The following RCC2 variants were observed in gnomAD, a reference collection of about 807,000 sequenced individuals.
RCC2 encodes protein RCC2.
A neutral mutation model predicts 64.1 loss-of-function variants in RCC2; 19 were observed. The observed-to-expected ratio is 0.30, with a 90% CI of 0.21 to 0.44. The LOEUF (loss-of-function observed/expected upper bound fraction) is 0.44, where lower values mean the gene tolerates loss of function less well. Ranked by LOEUF, RCC2 falls within the 20% of genes least tolerant of loss-of-function variation. The pLI is 1.00. For synonymous variants in RCC2, 325 were observed against 279.6 expected, an observed-to-expected ratio of 1.16 and a Z score of -1.62; for missense variants, 508 against 710.4, an observed-to-expected ratio of 0.72 and a Z score of 3.24.
intron 7 of RCC2, among the ~76,000 whole-genome samples, chr1:17,419,106 A>C (rs201123586): frequency 1.3e-5 from 2 of 152,104 alleles, no homozygotes; most frequent in East Asian, 3.9e-4. Flanking sequence ...TGTAATCCCA[A>C]CACTTTGGGA....
chr1:17,438,235 G>T lies in RCC2; in HGVS notation c.280C>A (p.Arg94Ser). ...VITEPEHTKE[R>S]VKLEGSKCKG... ...CTACCCTGACCCTCACTCACGACGCGCTCCTTGGTGTGCTCGGGTTCGGTG... is the reference window on the plus strand; with the variant it reads ...CTACCCTGACCCTCACTCACGACGCTCTCCTTGGTGTGCTCGGGTTCGGTG... The change falls in exon 2 of 13, where the codon CGC (arginine) becomes AGC (serine). Residue 94 changes from arginine to serine, a missense_variant. Around this residue, in one of 4 missense-constraint regions of RCC2, gnomAD observed 195 missense variants for 158.3 expected, o/e 1.23. Transcript: ENST00000375436. The T allele has an allele frequency of 7.6e-7, 1 of 1,308,068 alleles. No homozygotes were observed. The highest frequency in any genetic ancestry group is 9.9e-7 in the Non-Finnish European group (1 of 1,010,130). 81.0% of individuals were successfully genotyped at this position (1,308,068 alleles called of 1,614,324 possible).
intron 3 of RCC2, among the ~76,000 whole-genome samples, chr1:17,428,073 C>A (rs1445316806): frequency 6.6e-6 from 1 of 152,232 alleles, no homozygotes; most frequent in African/African-American, 2.4e-5. Flanking sequence ...GAGTGGGACT[C>A]CAACCCTGGC....
At chr1:17,432,571 C>G (rs2075693299) in intron 2 of RCC2, among the ~76,000 whole-genome samples, 1 of 152,192 alleles carries the variant, frequency 6.6e-6, no homozygotes, top group South Asian at 2.1e-4. Context: ...TGAGATGCAA[C>G]CACTGCAGCA....
chr1:17,413,765 G>A (rs1305835864), intron 8 of RCC2, 48 bp from the exon 9 acceptor site: 1 of 1,524,328 alleles, frequency 6.6e-7, no homozygotes. Flanking sequence ...CTTCCAACAG[G>A]CAACAAGAGG....
intron 6 of RCC2, among the ~76,000 whole-genome samples, chr1:17,421,356 G>A (rs866274637): frequency 2.6e-5 from 4 of 152,022 alleles, no homozygotes; most frequent in East Asian, 1.9e-4. Context: ...TTAGCCAGGC[G>A]TGGTGGAGCA....
At chr1:17,422,996 G>A (rs2075572217) in intron 4 of RCC2, among the ~76,000 whole-genome samples, 160 bp from the exon 5 acceptor site, 1 of 151,984 alleles carries the variant, frequency 6.6e-6, no homozygotes, top group Non-Finnish European at 1.5e-5. Context: ...AGAACGCCCC[G>A]GCCCTCTGCC....
chr1:17,438,561 G>A (rs769361928), intron 1 of RCC2, 39 bp from the exon 2 acceptor site: 5 of 1,290,534 alleles, frequency 3.9e-6, no homozygotes, highest in Non-Finnish European at 9.8e-7. Flanking sequence ...CAATGGACGG[G>A]TTATAAACTG....
At chr1:17,424,170 T>A (rs1157889844) in intron 4 of RCC2, among the ~76,000 whole-genome samples, 1 of 152,196 alleles carries the variant, frequency 6.6e-6, no homozygotes, top group African/African-American at 2.4e-5. Flanking sequence ...CCTCCCGTGG[T>A]ACTCTACTCA....
intron 2 of RCC2, among the ~76,000 whole-genome samples, chr1:17,431,514 A>G (rs1230419059): frequency 6.9e-6 from 1 of 145,004 alleles, no homozygotes; most frequent in Non-Finnish European, 1.5e-5. Context: ...AAAAAAAAAA[A>G]AAAAAAAGAA....
chr1:17,438,485 G>A lies in RCC2; in HGVS notation c.30C>T (p.Ala10=). 1 of 1,341,814 alleles carries A rather than the reference G, an allele frequency of 7.5e-7. No homozygotes were observed. Among genetic ancestry groups the A allele is most frequent in the Non-Finnish European group, 9.5e-7 (1 of 1,049,712 alleles). 83.1% of individuals were successfully genotyped at this position (1,341,814 alleles called of 1,614,324 possible). MPRKKAAAA[A]WEEPSSGNGT... ...CGTTGCCCGAGCTCGGCTCCTCCCA[G>A]GCCGCCGCCGCCGCCTTCTTCCTGG... The change falls in exon 2 of 13, where the codon GCC becomes GCT. Residue 10 remains alanine, a synonymous_variant. Coordinates refer to ENST00000375436, the MANE Select transcript of RCC2 (RefSeq NM_018715.4).
At chr1:17,409,489 C>T (rs574020395) in intron 12 of RCC2, among the ~76,000 whole-genome samples, 1 of 151,756 alleles carries the variant, frequency 6.6e-6, no homozygotes. Flanking sequence ...CCACTTCCAT[C>T]CCCCCCCTCT....
intron 2 of RCC2, among the ~76,000 whole-genome samples, chr1:17,437,722 A>G (rs2075752673): frequency 9.6e-4 from 1 of 1,044 alleles, no homozygotes. Flanking sequence ...GCCGGAGCCG[A>G]GGCGGCGGGA....
At chr1:17,416,310 T>A (rs544803867) in intron 8 of RCC2, among the ~76,000 whole-genome samples, 170 bp downstream of exon 8, 1 of 152,294 alleles carries the variant, frequency 6.6e-6, no homozygotes, top group South Asian at 2.1e-4. Flanking sequence ...CAGGGAACCC[T>A]GCCCTGGGAC....
intron 2 of RCC2, among the ~76,000 whole-genome samples, chr1:17,431,359 A>AAAAAATATATATATATATAT (rs1553158471): frequency 2.2e-5 from 1 of 44,938 alleles, no homozygotes; most frequent in African/African-American, 1.1e-4. Context: ...AAAAAAAAAA[A>AAAAAATATATATATATATAT]ATATATATAT....
chr1:17,431,359 A>ATATATATATATAT (rs1265674393), intron 2 of RCC2, among the ~76,000 whole-genome samples: 18 of 44,932 alleles, frequency 4.0e-4, no homozygotes, highest in South Asian at 7.3e-4. Flanking sequence ...AAAAAAAAAA[A>ATATATATATATAT]ATATATATAT....
At position 17,413,319 on chromosome 1, in the gene RCC2, G is replaced by A. The variant is rs191139631; in HGVS notation, c.1208-141C>T. On this transcript the variant is annotated intron_variant, in intron 9 of 12. Transcript: ENST00000375436. ...GATAACTGGAGCCAGGCGTGGTGGC[G>A]TGCCTGTGCAGTCCTAGCTACTCAG... The A allele has an allele frequency of 2.2e-4, 184 of 834,852 alleles. 1 individual carries two copies. The African/African-American group carries it at 2.6e-3, about 12-fold the overall frequency. The allele number at this position is 834,852 out of a possible 1,614,324, so 51.7% of individuals were successfully genotyped here.
rs1211310021 is a variant in RCC2 at position 17,422,820 on chromosome 1, C to T, written c.540G>A (p.Gly180=). 6.2e-7 allele frequency: 1 copy of T among 1,614,136 alleles called. No individual in the cohort carries two copies. The highest frequency in any genetic ancestry group is 2.2e-5 in the East Asian group (1 of 44,880). ...KLWSWGRNEK[G]QLGHGDTKRV... ...TCTTGGTGTCACCATGTCCCAGCTG[C>T]CCCTTCTCATTTCGACCTGCAGATC... is the stretch of plus-strand genomic sequence containing the variant. The change falls in exon 5 of 13, where the codon GGG becomes GGA. Residue 180 remains glycine, a synonymous_variant. Transcript: ENST00000375436.
intron 7 of RCC2, among the ~76,000 whole-genome samples, chr1:17,417,832 C>A (rs2075505262): frequency 6.6e-6 from 1 of 151,994 alleles, no homozygotes; most frequent in Non-Finnish European, 1.5e-5. Flanking sequence ...TAAATACAGT[C>A]AGCCCTCCAT....
chr1:17,429,556 G>A (rs534650987), intron 2 of RCC2, among the ~76,000 whole-genome samples: 8 of 152,276 alleles, frequency 5.3e-5, no homozygotes, highest in East Asian at 1.9e-4. Context: ...ACTCAGGGGC[G>A]TTAAATCCAG....
Sources: gnomAD v4.1 joint callset for allele counts (sites outside exome capture counted in the v4.1 genomes callset) on GRCh38, gnomAD v4.1.1 for gene constraint, gnomAD v4.1.1 regional missense constraint, MANE v1.5 for transcripts, NCBI Gene and HGNC (gene_info 2026-07-23, HGNC 2026-07-21) for gene names.